DLGAP2: variants seen among roughly 807,000 people sequenced by gnomAD.
DLGAP2 encodes disks large-associated protein 2.
A neutral mutation model predicts 100.3 loss-of-function variants in DLGAP2; 26 were observed. The observed-to-expected ratio is 0.26, with a 90% CI of 0.19 to 0.36. The LOEUF (loss-of-function observed/expected upper bound fraction) is 0.36, where lower values mean the gene tolerates loss of function less well. Among genes scored for constraint, DLGAP2 ranks in the 10% least tolerant of loss-of-function variants. The probability of loss-of-function intolerance (pLI) is 1.00; values close to 1 mark genes in which losing one functional copy is unlikely to be tolerated. For synonymous variants in DLGAP2, 886 were observed against 630.1 expected (o/e 1.41, Z -6.08); for missense variants, 1,858 against 1,453.2 (o/e 1.28, Z -4.53).
At chr8:1,326,922 C>G (rs1801035707) in intron 3 of DLGAP2, among the ~76,000 whole-genome samples, 1 of 152,210 alleles carries the variant, frequency 6.6e-6, no homozygotes, top group Non-Finnish European at 1.5e-5. Context: ...GTGGAAAAAA[C>G]TGTTACATAA....
At chr8:1,156,872 C>T (rs894157672) in intron 2 of DLGAP2, among the ~76,000 whole-genome samples, 5 of 152,126 alleles carry the variant, frequency 3.3e-5, no homozygotes, top group African/African-American at 1.2e-4. Flanking sequence ...GATTTCCACG[C>T]GAAGATGAGG....
intron 3 of DLGAP2, among the ~76,000 whole-genome samples, chr8:1,491,095 C>CAAAAAAAAAAACAAAA (rs1563180083): frequency 1.6e-5 from 1 of 62,292 alleles, no homozygotes. Flanking sequence ...AAAAAAAACC[C>CAAAAAAAAAAACAAAA]AAAAATAAAA....
chr8:1,692,428 T>A, intron 13 of DLGAP2, among the ~76,000 whole-genome samples: 1 of 145,278 alleles, frequency 6.9e-6, no homozygotes, highest in South Asian at 2.3e-4. Flanking sequence ...GATACGGCCC[T>A]GGTTTAAACG....
chr8:965,294 A>T (rs6996206), intron 2 of DLGAP2, among the ~76,000 whole-genome samples: 72 of 105,550 alleles, frequency 6.8e-4, no homozygotes, highest in East Asian at 6.3e-3. Context: ...ACTGTTCACC[A>T]CACAGGGCTC....
intron 1 of DLGAP2, among the ~76,000 whole-genome samples, chr8:892,487 CT>C (rs1056613992): frequency 3.9e-5 from 6 of 152,158 alleles, no homozygotes; most frequent in African/African-American, 1.2e-4. Context: ...TACAATGCCC[CT>C]GGGGCTGCAG....
chr8:792,717 C>G (rs1795940897), intron 1 of DLGAP2, among the ~76,000 whole-genome samples: 1 of 152,208 alleles, frequency 6.6e-6, no homozygotes, highest in African/African-American at 2.4e-5. Context: ...TTATCAAATG[C>G]TTATTTGGTA....
rs560538164 is a variant in DLGAP2, at chr8:1,134,830, A to G, written c.74-124021A>G. Among the ~76,000 whole-genome samples the G allele has an allele frequency of 2.8e-3, 423 of 152,168 alleles. 1 individual carries two copies. Among genetic ancestry groups the G allele is most frequent in the Non-Finnish European group, 5.0e-3 (340 of 68,002 alleles). On this transcript the variant is annotated intron_variant, in intron 2 of 14. Coordinates refer to ENST00000637795, the MANE Select transcript of DLGAP2 (RefSeq NM_001346810.2). ...AAACACCATTTATAATATAAACCAG[A>G]TCTCCTGAGAACTCACTATCATGGG...
chr8:786,809 T>G (rs1821879898), intron 1 of DLGAP2, among the ~76,000 whole-genome samples: 1 of 149,008 alleles, frequency 6.7e-6, no homozygotes, highest in Admixed American at 6.7e-5. Flanking sequence ...TGTCTTCCGT[T>G]TTTTTTTTTT....
chr8:1,008,327 CACA>C lies in DLGAP2; in HGVS notation c.73+100364_73+100366del. 1.3e-5 allele frequency among the ~76,000 whole-genome samples: 2 copies of C among 152,284 alleles called. 1 individual carries two copies. Among genetic ancestry groups the C allele is most frequent in the South Asian group, 4.1e-4 (2 of 4,820 alleles). On this transcript the variant is annotated intron_variant, in intron 2 of 14. Coordinates refer to ENST00000637795, the MANE Select transcript of DLGAP2 (RefSeq NM_001346810.2). ...TTTCAGCTTTGTTTACCTTCCTTTG[CACA>C]ACGAGTGTCTATAATGTAGCCCAAG... is the stretch of plus-strand genomic sequence containing the variant.
intron 1 of DLGAP2, among the ~76,000 whole-genome samples, chr8:793,136 C>T (rs1202329349): frequency 1.3e-5 from 2 of 152,190 alleles, no homozygotes; most frequent in Non-Finnish European, 2.9e-5. Flanking sequence ...AATTTTTATT[C>T]GCTTTTCATT....
chr8:1,072,436 A>G (rs781247064), intron 2 of DLGAP2, among the ~76,000 whole-genome samples: 10 of 152,206 alleles, frequency 6.6e-5, no homozygotes, highest in Non-Finnish European at 1.2e-4. Flanking sequence ...GTGTCCTCCA[A>G]TGTAAGAATG....
chr8:1,317,487 G>C (rs1293764451), intron 3 of DLGAP2, among the ~76,000 whole-genome samples: 1 of 141,154 alleles, frequency 7.1e-6, no homozygotes, highest in Non-Finnish European at 1.5e-5. Context: ...TCCAACAGTG[G>C]TCTACACTCG....
intron 3 of DLGAP2, among the ~76,000 whole-genome samples, chr8:1,337,223 A>G (rs1293892587): frequency 1.3e-5 from 2 of 149,298 alleles, no homozygotes; most frequent in African/African-American, 2.5e-5. Context: ...GATGATGAGG[A>G]TGATGGTGGT....
chr8:1,487,108 C>G (rs1234433977), intron 3 of DLGAP2, among the ~76,000 whole-genome samples: 1 of 152,200 alleles, frequency 6.6e-6, no homozygotes, highest in South Asian at 2.1e-4. Flanking sequence ...TGTGCTAAAA[C>G]CTTGTACTTA....
rs112753979 is a variant in DLGAP2, at chr8:795,927, A to G, written c.18+58102A>G. On this transcript the variant is annotated intron_variant, in intron 1 of 14. Coordinates refer to ENST00000637795, the MANE Select transcript of DLGAP2 (RefSeq NM_001346810.2). ...AGCTGTCCAGTGAGAACAGGCGTCC[A>G]GTGAGAGCAGGCGTCCAGTGAGAGC... Among the ~76,000 whole-genome samples the G allele has an allele frequency of 2.3e-4, 28 of 122,860 alleles. 1 individual carries two copies. Among genetic ancestry groups the G allele is most frequent in the Admixed American group, 7.1e-4 (8 of 11,262 alleles). 80.6% of individuals were successfully genotyped at this position (122,860 alleles called of 152,430 possible). A position where few individuals can be genotyped will look rare whatever the true frequency, so the allele number is the denominator to read the frequency against.
chr8:1,596,148 T>C (rs1195573351), intron 6 of DLGAP2, among the ~76,000 whole-genome samples: 2 of 152,114 alleles, frequency 1.3e-5, no homozygotes, highest in Non-Finnish European at 2.9e-5. Context: ...CTGTGTTAGT[T>C]TGCTGAGAAT....
At chr8:928,959 A>T (rs1273878657) in intron 2 of DLGAP2, among the ~76,000 whole-genome samples, 39 of 147,488 alleles carry the variant, frequency 2.6e-4, no homozygotes, top group African/African-American at 8.7e-4. Context: ...CTCTGGAAAG[A>T]TGAAGACCCC....
intron 2 of DLGAP2, among the ~76,000 whole-genome samples, chr8:989,460 C>T (rs1295057890): frequency 8.5e-5 from 13 of 152,164 alleles, no homozygotes; most frequent in Non-Finnish European, 2.9e-5. Flanking sequence ...GGCTTCACTT[C>T]CTCTGTCCTC....
chr8:800,016 G>A (rs1020191676), intron 1 of DLGAP2, among the ~76,000 whole-genome samples: 3 of 152,146 alleles, frequency 2.0e-5, no homozygotes, highest in African/African-American at 4.8e-5. Flanking sequence ...CAGAAGCAGC[G>A]TACCGAGAAA....
Sources: gnomAD v4.1 joint callset for allele counts (sites outside exome capture counted in the v4.1 genomes callset) on GRCh38, gnomAD v4.1.1 for gene constraint, MANE v1.5 for transcripts, NCBI Gene and HGNC (gene_info 2026-07-23, HGNC 2026-07-21) for gene names.